Variants in PKHD1L1 observed in about 807,000 individuals in gnomAD.
PKHD1L1 encodes the protein fibrocystin-L.
Under a neutral mutation model 462.9 loss-of-function variants are expected in PKHD1L1, and 434 were observed. That is an observed-to-expected ratio of 0.94 (90% CI 0.87 to 1.02). The LOEUF (loss-of-function observed/expected upper bound fraction) is 1.02. Ranked by LOEUF, PKHD1L1 falls within the 50% of genes least tolerant of loss-of-function variation. PKHD1L1 has a pLI of 0.00. For synonymous variants in PKHD1L1, 1,781 were observed against 1,750.0 expected (o/e 1.02, Z -0.44); for missense variants, 5,202 against 5,096.1 (o/e 1.02, Z -0.63).
chr8:109,445,080 A>G lies in PKHD1L1; in HGVS notation c.5211A>G (p.Gly1737=), dbSNP rs145106622. 610 of 1,613,976 alleles carry G rather than the reference A, an allele frequency of 3.8e-4. 3 individuals carry two copies. The East Asian group carries it at 0.012, about 32-fold the overall frequency. ...ATGGAGTGCCTGCCCAGTGCCAGGG[A>G]AACTGCACCTTTTCATACTTAGAAA... ...LIHGVPAQCQ[G]NCTFSYLESI... is the part of the protein sequence containing the mutation. The change falls in exon 38 of 78, where the codon GGA becomes GGG. Residue 1737 remains glycine, a synonymous_variant. Coordinates refer to ENST00000378402, the MANE Select transcript of PKHD1L1 (RefSeq NM_177531.6).
Position 109,487,889 on chromosome 8 carries a change from AG to A in PKHD1L1, c.9880+1069del, listed in dbSNP as rs1818619852. On this transcript the variant is annotated intron_variant, in intron 59 of 77. Coordinates refer to ENST00000378402, the MANE Select transcript of PKHD1L1 (RefSeq NM_177531.6). ...AAGACAGAGAGAAAGAGAGAGAGAG[AG>A]AGGAAGGAAGGAAGGAAGGAAGGAA... Among the ~76,000 whole-genome samples, 34 of 42,116 alleles carry A rather than the reference AG, an allele frequency of 8.1e-4. 1 individual carries two copies. The South Asian group carries it at 0.032, about 39-fold the overall frequency. The allele number at this position is 42,116 out of a possible 152,430, so 27.6% of individuals were successfully genotyped here.
chr8:109,477,075 A>G (rs1818026321), intron 52 of PKHD1L1, 150 bp from the exon 53 acceptor site: 3 of 658,766 alleles, frequency 4.6e-6, no homozygotes, highest in Middle Eastern at 4.1e-4. Flanking sequence ...TAATACATAC[A>G]TTATCAGAAT....
chr8:109,409,007 C>T (rs1300414153), intron 18 of PKHD1L1, among the ~76,000 whole-genome samples: 2 of 152,096 alleles, frequency 1.3e-5, no homozygotes, highest in East Asian at 1.9e-4. Flanking sequence ...AGAAAGAATG[C>T]TTGTGAGTTA....
intron 23 of PKHD1L1, among the ~76,000 whole-genome samples, chr8:109,422,827 A>G (rs573236735): frequency 9.1e-4 from 139 of 152,288 alleles, no homozygotes; most frequent in African/African-American, 3.2e-3. Context: ...ACCATTTTAG[A>G]TTCCCACCAG....
rs987560110 is a variant in PKHD1L1, at chr8:109,448,387, C to T, written c.6021C>T (p.Ser2007=). 6.2e-7 allele frequency: 1 copy of T among 1,608,060 alleles called. No individual in the cohort carries two copies. The highest frequency in any genetic ancestry group is 1.3e-5 in the African/African-American group (1 of 74,780). ...YPLNIQNINP[S]QGSFGGGQTM... ...TTAATATTCAAAATATTAATCCAAG[C>T]CAAGGTAGTCATAAGTATGCAAGAA... The change falls in exon 39 of 78, where the codon AGC becomes AGT. Residue 2007 remains serine, a synonymous_variant. Coordinates refer to ENST00000378402, the MANE Select transcript of PKHD1L1 (RefSeq NM_177531.6).
intron 27 of PKHD1L1, among the ~76,000 whole-genome samples, chr8:109,431,266 G>A (rs746245339): frequency 6.6e-6 from 1 of 151,932 alleles, no homozygotes; most frequent in Non-Finnish European, 1.5e-5. Flanking sequence ...TGCCACATTT[G>A]GATCATTTTT....
At chr8:109,429,201 G>A (rs1162623043) in intron 25 of PKHD1L1, 139 bp from the exon 26 acceptor site, 1 of 743,764 alleles carries the variant, frequency 1.3e-6, no homozygotes, top group Non-Finnish European at 2.0e-6. Context: ...TTTAAAAAAA[G>A]TGACTACAAT....
intron 2 of PKHD1L1, 138 bp downstream of exon 2, chr8:109,364,774 C>T (rs931311108): frequency 3.2e-6 from 2 of 634,122 alleles, no homozygotes; most frequent in East Asian, 5.5e-5. Context: ...TAGTAAAACT[C>T]TGTCCTCTTT....
At chr8:109,508,391 T>G in intron 70 of PKHD1L1, 127 bp downstream of exon 70, 1 of 985,880 alleles carries the variant, frequency 1.0e-6, no homozygotes, top group South Asian at 1.7e-5. Flanking sequence ...GCCTTCCATT[T>G]GTAACAATGA....
At position 109,531,460 on chromosome 8, in the gene PKHD1L1, AG is replaced by A. The variant is rs1821039774; in HGVS notation, c.*1371del. On this transcript the variant is annotated 3_prime_UTR_variant, in exon 78 of 78. Transcript: ENST00000378402. ...GAGAGAGAGACAGAGAAAGACAGAG[AG>A]ATAGAGACAGAGACAGAGAGGGAGG... 9.0e-6 allele frequency among the ~76,000 whole-genome samples: 1 copy of A among 111,430 alleles called. No individual in the cohort carries two copies. The highest frequency in any genetic ancestry group is 5.1e-4 in the South Asian group (1 of 1,970). The allele number at this position is 111,430 out of a possible 152,430, so 73.1% of individuals were successfully genotyped here.
intron 6 of PKHD1L1, among the ~76,000 whole-genome samples, chr8:109,386,922 G>A (rs1032769167): frequency 6.6e-6 from 1 of 152,156 alleles, no homozygotes; most frequent in African/African-American, 2.4e-5. Context: ...GAATTGCAGT[G>A]AGATGGGACA....
chr8:109,478,256 C>G (rs1234995316), intron 53 of PKHD1L1, among the ~76,000 whole-genome samples: 1 of 151,980 alleles, frequency 6.6e-6, no homozygotes, highest in African/African-American at 2.4e-5. Context: ...TTCATTCAAC[C>G]ACTAAAAAAA....
At position 109,420,669 on chromosome 8, in the gene PKHD1L1, G is replaced by C; in HGVS notation, c.2676G>C (p.Met892Ile). 1 of 1,585,316 alleles carries C rather than the reference G, an allele frequency of 6.3e-7. No homozygotes were observed. The highest frequency in any genetic ancestry group is 8.6e-7 in the Non-Finnish European group (1 of 1,169,048). The part of the protein sequence containing the change: ...TSYNCSYNIP[M>I]MAVSFGQIIT... Reference sequence around the variant, plus strand: ...ACAATTGCAGTTACAATATACCCATGATGGCTGTGAGCTTTGGGCAGGTAA... The same window carrying C: ...ACAATTGCAGTTACAATATACCCATCATGGCTGTGAGCTTTGGGCAGGTAA... The change falls in exon 23 of 78, where the codon ATG becomes ATC. Residue 892 changes from methionine (M) to isoleucine (I), a missense_variant. Physicochemically the swap from Met to Ile is conservative, Grantham distance 10 (BLOSUM62 1). Around this residue, in one of 3 missense-constraint regions of PKHD1L1, gnomAD observed 4,497 missense variants for 4,336.8 expected, o/e 1.04. Coordinates refer to ENST00000378402, the MANE Select transcript of PKHD1L1 (RefSeq NM_177531.6).
intron 48 of PKHD1L1, 109 bp from the exon 49 acceptor site, chr8:109,464,107 G>A (rs1441812987): frequency 5.4e-6 from 4 of 742,534 alleles, no homozygotes; most frequent in Non-Finnish European, 7.1e-6. Flanking sequence ...AAATTTGGAA[G>A]AAATAAATAT....
chr8:109,464,748 C>T lies in PKHD1L1; in HGVS notation c.7916C>T (p.Thr2639Ile). ...TTCCCCATGCAAACGGGATCTTGTACATCTACAGTGCCTGCACCTGCAATA... is the reference window on the plus strand; with the variant it reads ...TTCCCCATGCAAACGGGATCTTGTATATCTACAGTGCCTGCACCTGCAATA... ...EYFPMQTGSC[T>I]STVPAPAIFN... Residue 2639 changes from threonine (T) to isoleucine (I), a missense_variant, in exon 49 of 78, where the codon ACA becomes ATA. Thr to Ile is a moderately conservative substitution (Grantham distance 89). Around this residue, in one of 3 missense-constraint regions of PKHD1L1, gnomAD observed 4,497 missense variants for 4,336.8 expected, o/e 1.04. Coordinates refer to ENST00000378402, the MANE Select transcript of PKHD1L1 (RefSeq NM_177531.6). 2.5e-6 allele frequency: 4 copies of T among 1,613,818 alleles called. No homozygotes were observed. The highest frequency in any genetic ancestry group is 2.2e-5 in the South Asian group (2 of 91,082).
In PKHD1L1 at chr8:109,400,292, G is replaced by T; in HGVS notation, c.1229G>T (p.Gly410Val). The stretch of plus-strand genomic sequence containing the variant: ...GATGTTTATAGATTCTACATCAAGG[G>T]TGATGACCGTTATGCTATTTATTTT... ...DSDVYRFYIK[G>V]DDRYAIYFSQ... The change falls in exon 13 of 78, where the codon GGT (glycine) becomes GTT (valine). Residue 410 changes from glycine to valine, a missense_variant. Physicochemically the swap from Gly to Val is moderately radical, Grantham distance 109. Around this residue, in one of 3 missense-constraint regions of PKHD1L1, gnomAD observed 4,497 missense variants for 4,336.8 expected, o/e 1.04. Coordinates refer to ENST00000378402, the MANE Select transcript of PKHD1L1 (RefSeq NM_177531.6). 6.2e-7 allele frequency: 1 copy of T among 1,613,474 alleles called. No individual in the cohort carries two copies. The highest frequency in any genetic ancestry group is 8.5e-7 in the Non-Finnish European group (1 of 1,179,572).
intron 47 of PKHD1L1, 55 bp from the exon 48 acceptor site, chr8:109,461,717 A>G: frequency 6.5e-7 from 1 of 1,538,938 alleles, no homozygotes; most frequent in Middle Eastern, 1.7e-4. Context: ...GAAAATCTTC[A>G]ATATAAGAGG....
chr8:109,448,042 C>T, intron 38 of PKHD1L1, 101 bp from the exon 39 acceptor site: 1 of 1,067,370 alleles, frequency 9.4e-7, no homozygotes, highest in Non-Finnish European at 1.3e-6. Context: ...TTTTAAAACA[C>T]TGGTTATTCT....
intron 50 of PKHD1L1, among the ~76,000 whole-genome samples, chr8:109,473,026 G>T (rs1298091525): frequency 6.6e-6 from 1 of 152,084 alleles, no homozygotes; most frequent in Non-Finnish European, 1.5e-5. Flanking sequence ...AACTCTTAAT[G>T]ATCCTATTTT....
Sources: allele counts gnomAD v4.1 joint callset (sites outside exome capture counted in the v4.1 genomes callset), GRCh38; gene constraint gnomAD v4.1.1; regional missense constraint gnomAD v4.1.1; transcripts MANE v1.5; gene names NCBI Gene and HGNC (gene_info 2026-07-23, HGNC 2026-07-21).